Variants in CFAP299 observed in about 807,000 individuals in gnomAD.
CFAP299 encodes cilia- and flagella-associated protein 299.
Under a neutral mutation model 27.0 loss-of-function variants are expected in CFAP299, and 21 were observed. The observed-to-expected ratio is 0.78, with a 90% confidence interval of 0.55 to 1.12. The LOEUF (loss-of-function observed/expected upper bound fraction) is 1.12. CFAP299 is among the 50% of genes most tolerant of loss of function. The probability of loss-of-function intolerance (pLI) is 0.00; values close to 1 mark genes in which losing one functional copy is unlikely to be tolerated. For missense variants in CFAP299, 310 were observed against 276.6 expected (o/e 1.12, Z -0.86); for synonymous variants, 104 against 98.1 (o/e 1.06, Z -0.36).
chr4:80,594,541 C>T (rs1736956943), intron 3 of CFAP299, among the ~76,000 whole-genome samples: 1 of 152,128 alleles, frequency 6.6e-6, no homozygotes, highest in African/African-American at 2.4e-5. Flanking sequence ...CTAGAACATA[C>T]CTCATGTTAA....
chr4:80,805,522 C>A (rs1728819153), intron 3 of CFAP299, among the ~76,000 whole-genome samples: 1 of 151,952 alleles, frequency 6.6e-6, no homozygotes, highest in African/African-American at 2.4e-5. Context: ...CATAGTAGTA[C>A]ACTAAAACTC....
intron 1 of CFAP299, among the ~76,000 whole-genome samples, 160 bp from the exon 2 acceptor site, chr4:80,362,594 G>GT (rs536548330): frequency 7.9e-5 from 12 of 151,384 alleles, no homozygotes; most frequent in East Asian, 3.9e-4. Context: ...AAAAATTCTA[G>GT]TTTTTTTATA....
In CFAP299 at chr4:80,367,594, C is replaced by T. The variant is rs144032453; in HGVS notation, c.242+4710C>T. Among the ~76,000 whole-genome samples the T allele has an allele frequency of 1.6e-3, 243 of 152,114 alleles. 2 individuals are homozygous for T. Among genetic ancestry groups the T allele is most frequent in the East Asian group, 1.2e-3 (6 of 5,174 alleles). On this transcript the variant is annotated intron_variant, in intron 2 of 5. Coordinates refer to ENST00000358105, the MANE Select transcript of CFAP299 (RefSeq NM_152770.3). ...CCAAGGTGATGATGTGGGGCAGGGT[C>T]GGGGGGATAGAGTCGATTCTTCATT... is the stretch of plus-strand genomic sequence containing the variant.
chr4:80,743,888 G>T (rs1307911426), intron 3 of CFAP299, among the ~76,000 whole-genome samples: 4 of 152,064 alleles, frequency 2.6e-5, no homozygotes, highest in Non-Finnish European at 5.9e-5. Flanking sequence ...CATATAAAGT[G>T]ATCTTTTTCA....
At chr4:80,850,395 G>A (rs1242291692) in intron 3 of CFAP299, among the ~76,000 whole-genome samples, 2 of 151,886 alleles carry the variant, frequency 1.3e-5, no homozygotes, top group East Asian at 1.9e-4. Context: ...GTTAAAGAAG[G>A]TTCATTTGAG....
At position 80,877,531 on chromosome 4, in the gene CFAP299, T is replaced by C. The variant is rs544665254; in HGVS notation, c.476+7396T>C. On this transcript the variant is annotated intron_variant, in intron 4 of 5. Transcript: ENST00000358105. ...GTTTCTTTAGTTGTCTAGAATGTGT[T>C]TCCTTGAAGATTGTGTCTCTGGATA... Among the ~76,000 whole-genome samples, 5 of 152,300 alleles carry C rather than the reference T, an allele frequency of 3.3e-5. No individual in the cohort carries two copies. In the South Asian group the frequency reaches 8.3e-4, roughly 25 times the overall value.
At chr4:80,612,936 A>G (rs1421503855) in intron 3 of CFAP299, among the ~76,000 whole-genome samples, 1 of 152,176 alleles carries the variant, frequency 6.6e-6, no homozygotes, top group Admixed American at 6.5e-5. Flanking sequence ...AGAACCAAGT[A>G]TAGCAGTGAG....
intron 5 of CFAP299, among the ~76,000 whole-genome samples, chr4:80,948,975 A>C (rs1578261073): frequency 6.6e-6 from 1 of 152,162 alleles, no homozygotes; most frequent in African/African-American, 2.4e-5. Context: ...AAATGCAAGA[A>C]TTTATTGCTG....
intron 4 of CFAP299, among the ~76,000 whole-genome samples, chr4:80,940,097 C>T (rs927997542): frequency 1.3e-5 from 2 of 152,082 alleles, no homozygotes; most frequent in African/African-American, 4.8e-5. Context: ...GAAGAGGGTG[C>T]ATATTAGCCA....
intron 2 of CFAP299, among the ~76,000 whole-genome samples, chr4:80,475,725 C>T (rs933970121): frequency 2.0e-5 from 3 of 152,138 alleles, no homozygotes; most frequent in Admixed American, 6.5e-5. Context: ...TAGAGTTGTA[C>T]GTTCAGAAAT....
Position 80,362,853 on chromosome 4 carries a change from A to G in CFAP299, c.211A>G (p.Ile71Val). Residue 71 changes from isoleucine (I) to valine (V), a missense_variant, in exon 2 of 6, where the codon ATT becomes GTT. Transcript: ENST00000358105. ...TGAAGCAAGGAAAGCGGCTATAGAG[A>G]TTGCAAGACTGGCTGAAAGAGCTCA... Reference protein sequence around the residue: ...DFEARKAAIEIARLAERAQQK... With the variant: ...DFEARKAAIEVARLAERAQQK... 6.2e-7 allele frequency: 1 copy of G among 1,611,486 alleles called. No individual in the cohort carries two copies. Among genetic ancestry groups the G allele is most frequent in the Non-Finnish European group, 8.5e-7 (1 of 1,179,342 alleles).
chr4:80,701,465 T>C (rs1190669096), intron 3 of CFAP299, among the ~76,000 whole-genome samples: 1 of 152,058 alleles, frequency 6.6e-6, no homozygotes, highest in African/African-American at 2.4e-5. Context: ...AGGAGTGATA[T>C]TTAAAAGTAA....
chr4:80,392,667 C>CTGTG (rs1012269961), intron 2 of CFAP299, among the ~76,000 whole-genome samples: 2 of 152,068 alleles, frequency 1.3e-5, no homozygotes, highest in Non-Finnish European at 2.9e-5. Flanking sequence ...CCACGCTGAG[C>CTGTG]TGTGAGTCAA....
chr4:80,860,268 C>T (rs1732234719), intron 3 of CFAP299, among the ~76,000 whole-genome samples: 1 of 152,198 alleles, frequency 6.6e-6, no homozygotes. Flanking sequence ...CCACCAGCTC[C>T]TTTAAGCACT....
rs10605376 is a variant in CFAP299, at chr4:80,567,731, T to TTATATATATATA, written c.243-15353_243-15342dup. On this transcript the variant is annotated intron_variant, in intron 2 of 5. Coordinates refer to ENST00000358105, the MANE Select transcript of CFAP299 (RefSeq NM_152770.3). ...ACTTAAAAATGCTATTCTAATGTAT[T>TTATATATATATA]TATATATATATATATATATAAGTAC... Among the ~76,000 whole-genome samples, 14 of 148,834 alleles carry TTATATATATATA rather than the reference T, an allele frequency of 9.4e-5. No homozygotes were observed. The South Asian group carries it at 1.1e-3, about 11-fold the overall frequency.
intron 4 of CFAP299, among the ~76,000 whole-genome samples, chr4:80,937,201 T>C (rs2110224033): frequency 6.6e-6 from 1 of 152,106 alleles, no homozygotes; most frequent in East Asian, 1.9e-4. Context: ...AATGACCTTC[T>C]ATTTCATTTG....
chr4:80,870,720 T>A (rs891043783), intron 4 of CFAP299: 1 of 985,474 alleles, frequency 1.0e-6, no homozygotes, highest in African/African-American at 1.7e-5. Flanking sequence ...AAGCTAAAAC[T>A]TTTTATTCCC....
chr4:80,534,555 A>G (rs1207370588), intron 2 of CFAP299, among the ~76,000 whole-genome samples: 2 of 152,018 alleles, frequency 1.3e-5, no homozygotes, highest in Non-Finnish European at 2.9e-5. Flanking sequence ...CTTTTGTTTC[A>G]TTTATGTACA....
intron 1 of CFAP299, among the ~76,000 whole-genome samples, chr4:80,346,458 G>C (rs569577006): frequency 6.6e-6 from 1 of 152,300 alleles, no homozygotes; most frequent in African/African-American, 2.4e-5. Context: ...TGTATAAGGT[G>C]TAAGGAAGGG....
Sources: allele counts gnomAD v4.1 joint callset (sites outside exome capture counted in the v4.1 genomes callset), GRCh38; gene constraint gnomAD v4.1.1; transcripts MANE v1.5; gene names NCBI Gene and HGNC (gene_info 2026-07-23, HGNC 2026-07-21).